Variants in FHIT observed in about 807,000 individuals in gnomAD.
The protein encoded by FHIT is bis(5'-adenosyl)-triphosphatase.
A neutral mutation model predicts 17.9 loss-of-function variants in FHIT; 19 were observed. That is an observed-to-expected ratio of 1.06 (90% confidence interval 0.74 to 1.56). The LOEUF is 1.56. Among genes scored for constraint, FHIT ranks in the 40% most tolerant of loss-of-function variants. The pLI is 0.00. For missense variants in FHIT, 248 were observed against 189.2 expected, an observed-to-expected ratio of 1.31 and a Z score of -1.82; for synonymous variants, 81 against 69.7, an observed-to-expected ratio of 1.16 and a Z score of -0.81.
intron 5 of FHIT, among the ~76,000 whole-genome samples, chr3:60,038,696 C>T (rs1686727719): frequency 1.2e-5 from 1 of 84,552 alleles, no homozygotes; most frequent in Non-Finnish European, 2.8e-5. Context: ...TTGCTCGCTA[C>T]TGATAAAAGA....
rs529509686 is a variant in FHIT at position 61,030,767 on chromosome 3, G to C, written c.-111+11280C>G. 3.3e-5 allele frequency among the ~76,000 whole-genome samples: 5 copies of C among 152,290 alleles called. 1 individual carries two copies. In the South Asian group the frequency reaches 1.0e-3, roughly 32 times the overall value. On this transcript the variant is annotated intron_variant, in intron 3 of 9. Transcript: ENST00000492590. ...AATTTTAAATATGGCAGGTCTGGTA[G>C]TTTCAATGAAAAAGTTACATTAAAG...
At chr3:61,158,916 A>G (rs938940803) in intron 2 of FHIT, among the ~76,000 whole-genome samples, 1 of 152,212 alleles carries the variant, frequency 6.6e-6, no homozygotes, top group African/African-American at 2.4e-5. Context: ...GCCCTTCTCC[A>G]CTGCTGCAAC....
At chr3:60,430,640 T>C (rs1209198840) in intron 5 of FHIT, among the ~76,000 whole-genome samples, 1 of 152,140 alleles carries the variant, frequency 6.6e-6, no homozygotes, top group Non-Finnish European at 1.5e-5. Flanking sequence ...ACTGTATTTT[T>C]ATAACTCTCA....
chr3:60,988,969 AAAAAAAC>A (rs2029921394), intron 3 of FHIT, among the ~76,000 whole-genome samples: 1 of 148,092 alleles, frequency 6.8e-6, no homozygotes, highest in African/African-American at 2.5e-5. Context: ...AAAAAAAAAA[AAAAAAAC>A]AAGATAATTT....
chr3:59,982,392 G>A (rs1436500523), intron 7 of FHIT, among the ~76,000 whole-genome samples: 1 of 152,136 alleles, frequency 6.6e-6, no homozygotes, highest in Non-Finnish European at 1.5e-5. Flanking sequence ...ATTAATTTGT[G>A]GTTTTATAAG....
intron 1 of FHIT, among the ~76,000 whole-genome samples, chr3:61,214,877 C>T (rs1011066115): frequency 1.3e-5 from 2 of 152,124 alleles, no homozygotes; most frequent in Non-Finnish European, 1.5e-5. Context: ...AAATGTAATC[C>T]AGCATATAAA....
intron 5 of FHIT, among the ~76,000 whole-genome samples, chr3:60,440,338 G>A (rs958290392): frequency 6.6e-6 from 1 of 151,968 alleles, no homozygotes; most frequent in Non-Finnish European, 1.5e-5. Flanking sequence ...CCTGTTACCC[G>A]TCTCTATCTG....
At chr3:59,945,587 T>C (rs1455131855) in intron 7 of FHIT, among the ~76,000 whole-genome samples, 2 of 151,852 alleles carry the variant, frequency 1.3e-5, no homozygotes, top group Non-Finnish European at 2.9e-5. Context: ...TGTCATGAAA[T>C]ATTTTCCAGA....
intron 5 of FHIT, among the ~76,000 whole-genome samples, chr3:60,401,617 G>T (rs1576600456): frequency 6.6e-6 from 1 of 152,044 alleles, no homozygotes; most frequent in South Asian, 2.1e-4. Context: ...AGTCCCCGGT[G>T]CTTCCCCACC....
chr3:60,558,311 C>A (rs563259007), intron 4 of FHIT, among the ~76,000 whole-genome samples: 4 of 151,996 alleles, frequency 2.6e-5, no homozygotes, highest in Non-Finnish European at 2.9e-5. Flanking sequence ...GAAACCATTC[C>A]ATGGCTCAGG....
At chr3:59,978,345 T>C (rs1234595824) in intron 7 of FHIT, among the ~76,000 whole-genome samples, 2 of 152,108 alleles carry the variant, frequency 1.3e-5, no homozygotes, top group African/African-American at 2.4e-5. Flanking sequence ...TTATTTAAAA[T>C]TTAAAGTACG....
intron 5 of FHIT, among the ~76,000 whole-genome samples, chr3:60,250,193 C>T (rs1408366597): frequency 7.2e-5 from 11 of 152,162 alleles, no homozygotes; most frequent in Non-Finnish European, 2.9e-5. Context: ...TAGATAAAGT[C>T]GCACCTACAG....
chr3:60,594,865 T>C (rs1052260403), intron 4 of FHIT, among the ~76,000 whole-genome samples: 2 of 152,068 alleles, frequency 1.3e-5, no homozygotes, highest in Non-Finnish European at 2.9e-5. Flanking sequence ...TCTTCATCCT[T>C]CCCTGCTTCC....
intron 7 of FHIT, among the ~76,000 whole-genome samples, chr3:59,968,748 A>G (rs1332170484): frequency 6.6e-6 from 1 of 152,210 alleles, no homozygotes; most frequent in Non-Finnish European, 1.5e-5. Flanking sequence ...TGTTTCCACA[A>G]GCACTCAACG....
chr3:60,090,658 G>C (rs892836973), intron 5 of FHIT, among the ~76,000 whole-genome samples: 8 of 152,178 alleles, frequency 5.3e-5, no homozygotes, highest in African/African-American at 2.4e-5. Flanking sequence ...TCTACCACTA[G>C]AGTGACATGC....
chr3:61,152,217 G>T (rs1456734320), intron 2 of FHIT, among the ~76,000 whole-genome samples: 4 of 152,276 alleles, frequency 2.6e-5, no homozygotes, highest in South Asian at 2.1e-4. Context: ...AGGGAAAGTA[G>T]ATCAGGGAGA....
chr3:61,039,446 C>T (rs988351794), intron 3 of FHIT, among the ~76,000 whole-genome samples: 1 of 152,092 alleles, frequency 6.6e-6, no homozygotes, highest in African/African-American at 2.4e-5. Context: ...TTCTTTAAAA[C>T]TTGCGAGGGA....
chr3:60,824,045 T>C (rs1301087541), intron 3 of FHIT, among the ~76,000 whole-genome samples: 1 of 152,164 alleles, frequency 6.6e-6, no homozygotes, highest in African/African-American at 2.4e-5. Flanking sequence ...TATGGGCCAC[T>C]CTAAGAACTT....
At chr3:59,924,797 A>G (rs1705572937) in intron 7 of FHIT, among the ~76,000 whole-genome samples, 1 of 152,178 alleles carries the variant, frequency 6.6e-6, no homozygotes, top group Non-Finnish European at 1.5e-5. Context: ...TTCCACCTGT[A>G]CTTGGGGCTT....
Sources: gnomAD v4.1 joint callset for allele counts (sites outside exome capture counted in the v4.1 genomes callset) on GRCh38, gnomAD v4.1.1 for gene constraint, MANE v1.5 for transcripts, NCBI Gene and HGNC (gene_info 2026-07-23, HGNC 2026-07-21) for gene names.